METRNL: variants seen among roughly 807,000 people sequenced by gnomAD.
The protein encoded by METRNL is meteorin-like protein.
Under a neutral mutation model 17.4 loss-of-function variants are expected in METRNL, and 9 were observed. The observed-to-expected ratio is 0.52, with a 90% confidence interval of 0.31 to 0.90. METRNL has a LOEUF of 0.90. METRNL is among the 40% of genes least tolerant of loss of function. The pLI, the probability that METRNL is intolerant of heterozygous loss-of-function variation, is 0.05. For synonymous variants in METRNL, 215 were observed against 199.3 expected, an observed-to-expected ratio of 1.08 and a Z score of -0.66; for missense variants, 408 against 430.7, an observed-to-expected ratio of 0.95 and a Z score of 0.47.
At chr17:83,088,434 A>T (rs1020232670) in intron 2 of METRNL, among the ~76,000 whole-genome samples, 5 of 152,214 alleles carry the variant, frequency 3.3e-5, no homozygotes, top group Middle Eastern at 3.2e-3. Flanking sequence ...GGCAGGTCCC[A>T]GGATTCCAGT....
chr17:83,084,783 G>C (rs1172226879), intron 1 of METRNL, 155 bp from the exon 2 acceptor site: 1 of 908,282 alleles, frequency 1.1e-6, no homozygotes, highest in South Asian at 1.7e-5. Context: ...CCTGCCTCAC[G>C]GGCAGGGGTC....
intron 1 of METRNL, chr17:83,082,032 T>G (rs1449280892): frequency 1.0e-6 from 1 of 972,392 alleles, no homozygotes. Context: ...CACTGGCCAC[T>G]GCATCGACGG....
chr17:83,092,851 G>A (rs1288211638), intron 2 of METRNL, among the ~76,000 whole-genome samples: 2 of 152,158 alleles, frequency 1.3e-5, no homozygotes, highest in Non-Finnish European at 2.9e-5. Flanking sequence ...GGACATGGCC[G>A]GACTGAGGGT....
intron 2 of METRNL, among the ~76,000 whole-genome samples, chr17:83,086,801 G>A (rs191960058): frequency 7.0e-4 from 106 of 152,306 alleles, no homozygotes; most frequent in Non-Finnish European, 1.4e-3. Context: ...ACTGGCACAG[G>A]CCCGATTTCT....
chr17:83,082,119 C>A (rs984572551), intron 1 of METRNL: 35 of 985,316 alleles, frequency 3.6e-5, no homozygotes, highest in Non-Finnish European at 3.5e-5. Context: ...GGAGGCGGGA[C>A]CAGCGCCCCG....
chr17:83,090,139 C>CA (rs1568338518), intron 2 of METRNL, among the ~76,000 whole-genome samples: 1 of 143,294 alleles, frequency 7.0e-6, no homozygotes, highest in African/African-American at 2.6e-5. Context: ...GAGCCACACA[C>CA]CCCCGCCCCG....
At chr17:83,081,025 C>A (rs2037980027) in intron 1 of METRNL, among the ~76,000 whole-genome samples, 1 of 151,818 alleles carries the variant, frequency 6.6e-6, no homozygotes, top group Non-Finnish European at 1.5e-5. Flanking sequence ...CCCCGCGAAG[C>A]CACAGTCGCC....
chr17:83,083,095 C>T (rs1402211205), intron 1 of METRNL, among the ~76,000 whole-genome samples: 1 of 152,222 alleles, frequency 6.6e-6, no homozygotes, highest in Non-Finnish European at 1.5e-5. Context: ...CCAGTGTCTT[C>T]TGAGTGGGTG....
chr17:83,094,340 G>A lies in METRNL; in HGVS notation c.701G>A (p.Arg234Gln), dbSNP rs1243214285. Residue 234 changes from arginine to glutamine, a missense_variant, in exon 4 of 4, where the codon CGG becomes CAG. Arg to Gln is a conservative substitution (Grantham distance 43, BLOSUM62 1). Coordinates refer to ENST00000320095, the MANE Select transcript of METRNL (RefSeq NM_001004431.3). ...AIHLRVSRLY[R>Q]QKSRVFEPVP... ...CACCTGCGCGTGAGCAGACTCTATCGGCAGAAAAGCAGGGTCTTCGAGCCG... is the reference window on the plus strand; with the variant it reads ...CACCTGCGCGTGAGCAGACTCTATCAGCAGAAAAGCAGGGTCTTCGAGCCG... 9 of 1,610,440 alleles carry A rather than the reference G, an allele frequency of 5.6e-6. No homozygotes were observed. The highest frequency in any genetic ancestry group is 4.0e-5 in the African/African-American group (3 of 74,906).
chr17:83,084,561 C>T (rs2038026331), intron 1 of METRNL: 1 of 248,142 alleles, frequency 4.0e-6, no homozygotes, highest in African/African-American at 2.2e-5. Context: ...CACCTCCAGC[C>T]ACCCTGATTC....
At chr17:83,081,459 G>T (rs2037987475) in intron 1 of METRNL, among the ~76,000 whole-genome samples, 1 of 152,162 alleles carries the variant, frequency 6.6e-6, no homozygotes, top group African/African-American at 2.4e-5. Flanking sequence ...GCGCCTCCCG[G>T]AGCCCGAAGG....
intron 1 of METRNL, among the ~76,000 whole-genome samples, chr17:83,083,460 G>A (rs2038013216): frequency 6.6e-6 from 1 of 152,260 alleles, no homozygotes; most frequent in South Asian, 2.1e-4. Flanking sequence ...GTAGCTGAGT[G>A]TATCAGCCAC....
At chr17:83,085,755 C>T (rs748379077) in intron 2 of METRNL, among the ~76,000 whole-genome samples, 17 of 152,194 alleles carry the variant, frequency 1.1e-4, no homozygotes, top group Non-Finnish European at 1.6e-4. Flanking sequence ...GGGTCGGACG[C>T]GCCCCCATGC....
chr17:83,088,455 G>C (rs1256432047), intron 2 of METRNL, among the ~76,000 whole-genome samples: 5 of 152,196 alleles, frequency 3.3e-5, no homozygotes, highest in Non-Finnish European at 5.9e-5. Flanking sequence ...CTGTTCTTCA[G>C]CTTCTCCCAG....
At chr17:83,091,255 C>T (rs540980326) in intron 2 of METRNL, among the ~76,000 whole-genome samples, 1 of 140,788 alleles carries the variant, frequency 7.1e-6, no homozygotes, top group Non-Finnish European at 1.7e-5. Flanking sequence ...TCGAGGCGCT[C>T]AGCAGGCTGT....
intron 1 of METRNL, chr17:83,082,289 C>G (rs1414418947): frequency 1.0e-6 from 1 of 983,478 alleles, no homozygotes; most frequent in Non-Finnish European, 1.2e-6. Flanking sequence ...GACTTTCATA[C>G]AGGAGCCGGG....
intron 1 of METRNL, among the ~76,000 whole-genome samples, chr17:83,081,067 G>A (rs1480670693): frequency 1.3e-5 from 2 of 151,758 alleles, no homozygotes; most frequent in African/African-American, 4.8e-5. Context: ...CTCCCCGGGG[G>A]AAGGGGCGTG....
Position 83,094,627 on chromosome 17 carries a change from C to T in METRNL, c.*52C>T, listed in dbSNP as rs750335040. The T allele has an allele frequency of 3.3e-5, 46 of 1,376,708 alleles. No homozygotes were observed. The Middle Eastern group carries it at 5.6e-4, about 17-fold the overall frequency. 85.3% of individuals were successfully genotyped at this position (1,376,708 alleles called of 1,614,324 possible). A position where few individuals can be genotyped will look rare whatever the true frequency, so the allele number is the denominator to read the frequency against. ...CTGATGAGTCACAGGCTGCGGTGGG[C>T]GCTGCGGTCCTGGTGGGGCCGTGCG... On this transcript the variant is annotated 3_prime_UTR_variant, in exon 4 of 4. Coordinates refer to ENST00000320095, the MANE Select transcript of METRNL (RefSeq NM_001004431.3).
chr17:83,093,525 C>T (rs1249051785), intron 3 of METRNL, among the ~76,000 whole-genome samples: 2 of 152,244 alleles, frequency 1.3e-5, no homozygotes, highest in African/African-American at 4.8e-5. Flanking sequence ...CCACTGTCTC[C>T]CAGCAGCTCT....
Sources: gnomAD v4.1 joint callset for allele counts (sites outside exome capture counted in the v4.1 genomes callset) on GRCh38, gnomAD v4.1.1 for gene constraint, MANE v1.5 for transcripts, NCBI Gene and HGNC (gene_info 2026-07-23, HGNC 2026-07-21) for gene names.